LYZL4: variants seen among roughly 807,000 people sequenced by gnomAD.
The protein encoded by LYZL4 is lysozyme like 4.
LYZL4 carries 13 observed loss-of-function variants against 17.6 expected under a neutral mutation model. That is an observed-to-expected ratio of 0.74 (90% CI 0.48 to 1.18). LYZL4 has a LOEUF of 1.18. Among genes scored for constraint, LYZL4 ranks in the 50% most tolerant of loss-of-function variants. The pLI is 0.00. For missense variants in LYZL4, 174 were observed against 188.2 expected (o/e 0.92, Z 0.44); for synonymous variants, 64 against 67.7 (o/e 0.95, Z 0.27).
chr3:42,372,319 C>T, the LYZL4 span, among the ~76,000 whole-genome samples: 1 of 152,198 alleles, frequency 6.6e-6, no homozygotes, highest in Non-Finnish European at 1.5e-5. Flanking sequence ...ACTGCACCTG[C>T]CTCAAAGAGT....
At chr3:42,366,516 C>A in the LYZL4 span, among the ~76,000 whole-genome samples, 4 of 152,226 alleles carry the variant, frequency 2.6e-5, no homozygotes, top group African/African-American at 9.6e-5. Context: ...TGGGATCCTG[C>A]TTCCCCTTTC....
the LYZL4 span, among the ~76,000 whole-genome samples, chr3:42,391,488 A>C: frequency 6.6e-6 from 1 of 152,182 alleles, no homozygotes; most frequent in South Asian, 2.1e-4. Context: ...CTGGTGTTTC[A>C]AGGAGGGAAT....
intron 3 of LYZL4, among the ~76,000 whole-genome samples, chr3:42,404,843 A>C (rs1698721030): frequency 6.6e-6 from 1 of 152,202 alleles, no homozygotes; most frequent in African/African-American, 2.4e-5. Flanking sequence ...TTCAATTTAA[A>C]TTAAATCAAT....
At chr3:42,398,009 TCCC>T (rs758821985) in intron 4 of LYZL4, among the ~76,000 whole-genome samples, 1 of 152,092 alleles carries the variant, frequency 6.6e-6, no homozygotes, top group Non-Finnish European at 1.5e-5. Context: ...TGTTTCGTCA[TCCC>T]ACCCCTCAGC....
chr3:42,370,291 C>T, the LYZL4 span, among the ~76,000 whole-genome samples: 1 of 151,846 alleles, frequency 6.6e-6, no homozygotes, highest in Non-Finnish European at 1.5e-5. Flanking sequence ...CACCACCCAC[C>T]CCCAACCATG....
chr3:42,393,814 CAG>C (rs1384125516), downstream of LYZL4, among the ~76,000 whole-genome samples: 2 of 152,084 alleles, frequency 1.3e-5, no homozygotes, highest in African/African-American at 2.4e-5. Flanking sequence ...TTTTTTGAGA[CAG>C]AGTCTTGCTC....
chr3:42,399,383 T>C (rs2125600059), intron 4 of LYZL4, among the ~76,000 whole-genome samples: 1 of 152,316 alleles, frequency 6.6e-6, no homozygotes, highest in Admixed American at 6.5e-5. Context: ...ATGCTCATGA[T>C]AGAATTTTGA....
rs140404918 is a variant in LYZL4, at chr3:42,408,549, G to A, written c.-92-1206C>T. On this transcript the variant is annotated intron_variant, in intron 1 of 4. Transcript: ENST00000287748. The stretch of plus-strand genomic sequence containing the variant: ...TCCCTCTGAGCCCCTATTGCTCTCA[G>A]AGTCTCTTCCATGACACACTGCAGA... Among the ~76,000 whole-genome samples the A allele has an allele frequency of 1.9e-3, 290 of 152,258 alleles. 2 individuals are homozygous for A. The highest frequency in any genetic ancestry group is 6.7e-3 in the African/African-American group (278 of 41,554).
At chr3:42,374,518 A>G in the LYZL4 span, among the ~76,000 whole-genome samples, 1 of 152,198 alleles carries the variant, frequency 6.6e-6, no homozygotes, top group Non-Finnish European at 1.5e-5. Context: ...CCAACTGTCG[A>G]GGCCACCGAT....
In LYZL4 at chr3:42,407,339, G is replaced by A. The variant is rs1440301336; in HGVS notation, c.-88C>T. 1.3e-6 allele frequency: 2 copies of A among 1,573,258 alleles called. No individual in the cohort carries two copies. The highest frequency in any genetic ancestry group is 1.2e-5 in the South Asian group (1 of 85,740). On this transcript the variant is annotated 5_prime_UTR_variant, in exon 2 of 5. Transcript: ENST00000287748. ...ACACTGGTTCTCTGAAGGGAAAGAAGGGCACTGTGGGGGTGGGGGTGGAGC... is the reference window on the plus strand; with the variant it reads ...ACACTGGTTCTCTGAAGGGAAAGAAAGGCACTGTGGGGGTGGGGGTGGAGC...
the LYZL4 span, among the ~76,000 whole-genome samples, chr3:42,383,303 C>G: frequency 2.0e-5 from 3 of 152,130 alleles, no homozygotes; most frequent in African/African-American, 7.2e-5. Context: ...GCAACCTTCT[C>G]TGGGGAACAT....
rs1024809092 is a variant in LYZL4, at chr3:42,406,845, C to A, written c.292+1G>T. The stretch of plus-strand genomic sequence containing the variant: ...CGCACGGAATGGAAAGAGGGACTTA[C>A]CGGAACATGACATATGGCAGCGGTT... On this transcript the variant is annotated splice_donor_variant, in intron 3 of 4. Transcript: ENST00000287748. LOFTEE classifies it high-confidence loss of function. 3.1e-6 allele frequency: 5 copies of A among 1,613,824 alleles called. No individual in the cohort carries two copies. The African/African-American group carries it at 5.3e-5, about 17-fold the overall frequency.
At chr3:42,380,467 C>T in the LYZL4 span, among the ~76,000 whole-genome samples, 3 of 152,228 alleles carry the variant, frequency 2.0e-5, no homozygotes, top group African/African-American at 7.2e-5. Context: ...GGTTAGTGGG[C>T]AGCTGAACCA....
At chr3:42,400,710 C>A (rs942880067) in intron 4 of LYZL4, among the ~76,000 whole-genome samples, 1 of 152,104 alleles carries the variant, frequency 6.6e-6, no homozygotes, top group Non-Finnish European at 1.5e-5. Context: ...AAATATGACA[C>A]TCTTTCTAGA....
At chr3:42,371,528 C>T in the LYZL4 span, among the ~76,000 whole-genome samples, 1 of 152,128 alleles carries the variant, frequency 6.6e-6, no homozygotes, top group South Asian at 2.1e-4. Flanking sequence ...CTGGATGAAA[C>T]ATAGCCATGA....
intron 4 of LYZL4, among the ~76,000 whole-genome samples, chr3:42,402,478 T>C (rs936535280): frequency 6.6e-6 from 1 of 151,704 alleles, no homozygotes; most frequent in Non-Finnish European, 1.5e-5. Context: ...AATAGAAAAA[T>C]TGACAAAAGA....
the LYZL4 span, among the ~76,000 whole-genome samples, chr3:42,383,393 G>A: frequency 2.0e-5 from 3 of 148,478 alleles, no homozygotes; most frequent in African/African-American, 7.5e-5. Context: ...TGGCTCCATG[G>A]TGAACCCCAT....
chr3:42,383,797 G>A, the LYZL4 span, among the ~76,000 whole-genome samples: 1 of 152,126 alleles, frequency 6.6e-6, no homozygotes. Flanking sequence ...TTTGAAAGAA[G>A]TCGAGAAAAT....
At chr3:42,362,743 C>T in the LYZL4 span, among the ~76,000 whole-genome samples, 3 of 152,082 alleles carry the variant, frequency 2.0e-5, no homozygotes, top group Admixed American at 1.3e-4. Context: ...TTTGGGGGGA[C>T]ATAAATATTC....
Sources: allele counts gnomAD v4.1 joint callset (sites outside exome capture counted in the v4.1 genomes callset), GRCh38; gene constraint gnomAD v4.1.1; transcripts MANE v1.5; gene names NCBI Gene and HGNC (gene_info 2026-07-23, HGNC 2026-07-21).